ASH1L: variants seen among roughly 807,000 people sequenced by gnomAD.
The protein encoded by ASH1L is histone-lysine N-methyltransferase ASH1L.
A neutral mutation model predicts 269.0 loss-of-function variants in ASH1L; 23 were observed. That is an observed-to-expected ratio of 0.09 (90% confidence interval 0.06 to 0.12). ASH1L has a LOEUF of 0.12. Ranked by LOEUF, ASH1L falls within the 10% of genes least tolerant of loss-of-function variation. ASH1L has a pLI of 1.00. For missense variants in ASH1L, 2,912 were observed against 3,567.8 expected, an observed-to-expected ratio of 0.82 and a Z score of 4.68; for synonymous variants, 1,187 against 1,253.5, an observed-to-expected ratio of 0.95 and a Z score of 1.12.
intron 5 of ASH1L, chr1:155,434,151 G>C: frequency 8.8e-6 from 14 of 1,593,414 alleles, no homozygotes; most frequent in Non-Finnish European, 1.1e-5. Flanking sequence ...GGTACCCCAG[G>C]CTATGGGAGC....
chr1:155,405,636 C>A (rs922424280), intron 6 of ASH1L, among the ~76,000 whole-genome samples: 1 of 151,922 alleles, frequency 6.6e-6, no homozygotes, highest in Non-Finnish European at 1.5e-5. Context: ...TCAAGATCAG[C>A]TTGACCAACA....
chr1:155,522,582 T>C (rs1668963086), intron 1 of ASH1L, among the ~76,000 whole-genome samples: 1 of 152,134 alleles, frequency 6.6e-6, no homozygotes, highest in African/African-American at 2.4e-5. Context: ...TATTTTACAA[T>C]AGGTGATACA....
At chr1:155,411,582 A>AACATATATATATAT (rs1553253313) in intron 6 of ASH1L, among the ~76,000 whole-genome samples, 1 of 48,414 alleles carries the variant, frequency 2.1e-5, no homozygotes, top group Middle Eastern at 0.01. Context: ...TAAATAAATA[A>AACATATATATATAT]ATAAATATAT....
intron 2 of ASH1L, among the ~76,000 whole-genome samples, chr1:155,505,021 AAAACAAAC>A (rs1209156253): frequency 6.6e-6 from 1 of 152,168 alleles, no homozygotes; most frequent in African/African-American, 2.4e-5. Context: ...CACAAACTTA[AAAACAAAC>A]AAACAAACAA....
intron 6 of ASH1L, among the ~76,000 whole-genome samples, chr1:155,398,842 C>T (rs1658583071): frequency 2.6e-5 from 4 of 152,018 alleles, no homozygotes; most frequent in Non-Finnish European, 4.4e-5. Flanking sequence ...CCTCCTTGCC[C>T]TCCGAGTAGC....
At chr1:155,499,897 A>C (rs1314028161) in intron 2 of ASH1L, among the ~76,000 whole-genome samples, 3 of 152,182 alleles carry the variant, frequency 2.0e-5, no homozygotes, top group Non-Finnish European at 4.4e-5. Flanking sequence ...ATTCACATTC[A>C]CCATATATAC....
chr1:155,479,770 C>T lies in ASH1L; in HGVS notation c.3100G>A (p.Gly1034Ser), dbSNP rs1429009051. 1.2e-6 allele frequency: 2 copies of T among 1,613,894 alleles called. No individual in the cohort carries two copies. The highest frequency in any genetic ancestry group is 1.7e-6 in the Non-Finnish European group (2 of 1,180,002). Residue 1034 changes from glycine to serine, a missense_variant, in exon 3 of 28, where the codon GGC (glycine) becomes AGC (serine). Gly to Ser is a moderately conservative substitution (Grantham distance 56). Around this residue, in one of 13 missense-constraint regions of ASH1L, gnomAD observed 13 missense variants for 38.5 expected, o/e 0.34. Transcript: ENST00000392403. ...TTCTTGCTGACATTTATCTGTTGGC[C>T]CAATTTAGAGCCAAATGTGGCAGCA... Reference protein sequence around the residue: ...SLAATFGSKLGQQINVSKKGT... With the variant: ...SLAATFGSKLSQQINVSKKGT...
intron 1 of ASH1L, among the ~76,000 whole-genome samples, chr1:155,533,218 A>T (rs1185315498): frequency 2.0e-5 from 3 of 152,102 alleles, no homozygotes; most frequent in African/African-American, 7.2e-5. Flanking sequence ...AAAGTAATAA[A>T]ATACTTACTG....
intron 2 of ASH1L, among the ~76,000 whole-genome samples, chr1:155,491,264 T>C (rs958107997): frequency 6.6e-6 from 1 of 152,116 alleles, no homozygotes; most frequent in African/African-American, 2.4e-5. Context: ...GAAGTTAAAA[T>C]CTTAAACAAA....
chr1:155,448,667 GTATTTTTT>G (rs1013486734), intron 4 of ASH1L, among the ~76,000 whole-genome samples: 10 of 151,396 alleles, frequency 6.6e-5, no homozygotes, highest in Non-Finnish European at 1.3e-4. Context: ...GCTAATTTTT[GTATTTTTT>G]TAGTAGAGAC....
chr1:155,487,463 G>T (rs1028298351), intron 2 of ASH1L, among the ~76,000 whole-genome samples: 2 of 152,024 alleles, frequency 1.3e-5, no homozygotes, highest in African/African-American at 4.8e-5. Flanking sequence ...GAACTTCTAA[G>T]CTTAAGTGAT....
At chr1:155,415,383 A>G (rs1349619802) in intron 6 of ASH1L, among the ~76,000 whole-genome samples, 2 of 148,706 alleles carry the variant, frequency 1.3e-5, no homozygotes, top group Non-Finnish European at 3.0e-5. Flanking sequence ...CTCCGTCTCA[A>G]AAAAAAAAAA....
chr1:155,549,366 A>C (rs1671044098), intron 1 of ASH1L, among the ~76,000 whole-genome samples: 1 of 152,164 alleles, frequency 6.6e-6, no homozygotes, highest in Non-Finnish European at 1.5e-5. Flanking sequence ...GGCCAGACAC[A>C]GTGGCTCACG....
intron 3 of ASH1L, among the ~76,000 whole-genome samples, chr1:155,469,189 AT>A (rs71991918): frequency 0.051 from 7,454 of 146,580 alleles, 622 homozygotes; most frequent in African/African-American, 0.18. Flanking sequence ...TAATTAATTA[AT>A]TTTTTTTTTT....
intron 21 of ASH1L, 87 bp from the exon 22 acceptor site, chr1:155,344,360 C>A (rs1051146508): frequency 4.9e-6 from 5 of 1,022,738 alleles, no homozygotes; most frequent in East Asian, 4.9e-5. Context: ...TCAATCAAAA[C>A]TTACTGTTTA....
At chr1:155,512,962 C>T (rs1257151967) in intron 2 of ASH1L, among the ~76,000 whole-genome samples, 5 of 151,720 alleles carry the variant, frequency 3.3e-5, no homozygotes, top group African/African-American at 9.7e-5. Context: ...GAGGCTGAGG[C>T]GGTAGGATTG....
intron 16 of ASH1L, among the ~76,000 whole-genome samples, chr1:155,353,431 T>C (rs1422603019): frequency 1.3e-5 from 2 of 152,128 alleles, no homozygotes; most frequent in Non-Finnish European, 2.9e-5. Context: ...TTTAAATCTA[T>C]CTAGTTAGCA....
chr1:155,461,606 A>C (rs1296595513), intron 3 of ASH1L, among the ~76,000 whole-genome samples: 1 of 152,010 alleles, frequency 6.6e-6, no homozygotes, highest in African/African-American at 2.4e-5. Flanking sequence ...CATCTAAGAA[A>C]TAAAAAGCCC....
At chr1:155,557,444 T>G (rs12122800) in intron 1 of ASH1L, among the ~76,000 whole-genome samples, 57,117 of 148,268 alleles carry the variant, frequency 0.39, 13,430 homozygotes, top group Middle Eastern at 0.54. Flanking sequence ...GTTTTTTGGG[T>G]TTTTTTTTTG....
Sources: allele counts gnomAD v4.1 joint callset (sites outside exome capture counted in the v4.1 genomes callset), GRCh38; gene constraint gnomAD v4.1.1; regional missense constraint gnomAD v4.1.1; transcripts MANE v1.5; gene names NCBI Gene and HGNC (gene_info 2026-07-23, HGNC 2026-07-21).